Variants in NTN1 observed in about 807,000 individuals in gnomAD.
The protein encoded by NTN1 is netrin 1, also known as netrin-1.
Under a neutral mutation model 54.2 loss-of-function variants are expected in NTN1, and 11 were observed. The observed-to-expected ratio is 0.20, with a 90% CI of 0.13 to 0.34. The LOEUF is 0.34. NTN1 is among the 10% of genes least tolerant of loss of function. NTN1 has a pLI of 1.00. For synonymous variants in NTN1, 371 were observed against 382.0 expected (o/e 0.97, Z 0.33); for missense variants, 740 against 893.1 (o/e 0.83, Z 2.18).
At chr17:9,078,993 C>T (rs1229384715) in intron 2 of NTN1, among the ~76,000 whole-genome samples, 2 of 152,216 alleles carry the variant, frequency 1.3e-5, no homozygotes, top group Non-Finnish European at 2.9e-5. Context: ...CCAGGGATGC[C>T]CCCATGGCTT....
At chr17:9,039,643 G>A (rs925999614) in intron 2 of NTN1, among the ~76,000 whole-genome samples, 2 of 152,104 alleles carry the variant, frequency 1.3e-5, no homozygotes, top group African/African-American at 4.8e-5. Flanking sequence ...AAATGTTCCT[G>A]CTGTCTTGGT....
At chr17:9,076,438 T>C (rs896920617) in intron 2 of NTN1, among the ~76,000 whole-genome samples, 2 of 152,208 alleles carry the variant, frequency 1.3e-5, no homozygotes, top group African/African-American at 4.8e-5. Flanking sequence ...AGTGGTGCAA[T>C]CATAGCTCAC....
At position 9,069,304 on chromosome 17, in the gene NTN1, T is replaced by TA. The variant is rs373252100; in HGVS notation, c.1018+45923dup. On this transcript the variant is annotated intron_variant, in intron 2 of 6. Coordinates refer to ENST00000173229, the MANE Select transcript of NTN1 (RefSeq NM_004822.3). Reference sequence around the variant, plus strand: ...TCAACTAGTTTATAGCTATGGGAATTAAAAAAAAAAGAATGGAAATTAAGT... The same window carrying TA: ...TCAACTAGTTTATAGCTATGGGAATTAAAAAAAAAAAGAATGGAAATTAAGT... 1.4e-3 allele frequency among the ~76,000 whole-genome samples: 204 copies of TA among 149,042 alleles called. 1 individual carries two copies. Among genetic ancestry groups the TA allele is most frequent in the African/African-American group, 3.8e-3 (154 of 40,688 alleles).
chr17:9,236,028 C>G (rs1231382260), intron 6 of NTN1, among the ~76,000 whole-genome samples: 4 of 152,016 alleles, frequency 2.6e-5, no homozygotes, highest in Non-Finnish European at 4.4e-5. Context: ...GACACTAATC[C>G]CATCCACAGG....
Position 9,165,544 on chromosome 17 carries a change from G to C in NTN1, c.1207+2543G>C, listed in dbSNP as rs2092370993. On this transcript the variant is annotated intron_variant, in intron 3 of 6. Transcript: ENST00000173229. This position sits in a 1 kb window ranked among gnomAD's most constrained non-coding sequence, Gnocchi z 4.5. ...ATGGACAGCAGCTGCCCCGGCCTTG[G>C]TGGGAACCCTGGGAGAATAACTCAC... 6.6e-6 allele frequency among the ~76,000 whole-genome samples: 1 copy of C among 152,218 alleles called. No individual in the cohort carries two copies. Among genetic ancestry groups the C allele is most frequent in the African/African-American group, 2.4e-5 (1 of 41,454 alleles).
intron 2 of NTN1, among the ~76,000 whole-genome samples, chr17:9,116,082 C>T (rs1262293954): frequency 6.6e-6 from 1 of 152,208 alleles, no homozygotes; most frequent in Non-Finnish European, 1.5e-5. Flanking sequence ...CGTCATCTTG[C>T]TTGGTTAACC....
At chr17:9,114,166 A>AAAAAAAAAAAATAT (rs1555569108) in intron 2 of NTN1, among the ~76,000 whole-genome samples, 1 of 74,658 alleles carries the variant, frequency 1.3e-5, no homozygotes, top group Admixed American at 1.5e-4. Context: ...AAAAAAAAAA[A>AAAAAAAAAAAATAT]ATATATATAT....
chr17:9,223,968 A>G (rs1905450998), intron 6 of NTN1, among the ~76,000 whole-genome samples: 1 of 152,152 alleles, frequency 6.6e-6, no homozygotes, highest in Non-Finnish European at 1.5e-5. Context: ...GTTTGGTTTT[A>G]GTCTCGAAGA....
chr17:9,213,699 A>C (rs1165623405), intron 5 of NTN1, among the ~76,000 whole-genome samples: 1 of 152,114 alleles, frequency 6.6e-6, no homozygotes, highest in African/African-American at 2.4e-5. Context: ...ATAGCTTTCC[A>C]TCTTTTTCTG....
chr17:9,227,635 A>ACACATCAAACACGCCAT (rs1905634456), intron 6 of NTN1, among the ~76,000 whole-genome samples: 1 of 13,054 alleles, frequency 7.7e-5, no homozygotes, highest in African/African-American at 4.1e-4. Flanking sequence ...TATCACGCAC[A>ACACATCAAACACGCCAT]CACATCAAAC....
Position 9,216,373 on chromosome 17 carries a change from A to G in NTN1, c.1412-4795A>G, listed in dbSNP as rs114682822. Among the ~76,000 whole-genome samples the G allele has an allele frequency of 6.3e-3, 958 of 152,310 alleles. 22 individuals are homozygous for G. The highest frequency in any genetic ancestry group is 0.022 in the African/African-American group (911 of 41,566). ...TCTCCCTTACTGCCTTTCTTCTCCT[A>G]GTTCATAGAGGCTTTGTCATTTTAG... On this transcript the variant is annotated intron_variant, in intron 5 of 6. Transcript: ENST00000173229.
chr17:9,143,678 G>C (rs928635730), intron 2 of NTN1, among the ~76,000 whole-genome samples: 5 of 152,180 alleles, frequency 3.3e-5, no homozygotes, highest in Non-Finnish European at 7.3e-5. Context: ...CTCCGTTCTG[G>C]AAAGGAGAGG....
intron 2 of NTN1, among the ~76,000 whole-genome samples, chr17:9,131,921 A>G (rs578132019): frequency 5.4e-5 from 8 of 148,902 alleles, no homozygotes; most frequent in South Asian, 2.1e-4. Context: ...CTCTGCCTCA[A>G]CCTCCCTAAT....
At chr17:9,216,098 C>T (rs759541547) in intron 5 of NTN1, among the ~76,000 whole-genome samples, 24 of 152,184 alleles carry the variant, frequency 1.6e-4, no homozygotes, top group Non-Finnish European at 2.4e-4. Flanking sequence ...GTAACCATCA[C>T]GCCCGGCTAT....
rs529166575 is a variant in NTN1 at position 9,208,196 on chromosome 17, C to T, written c.1412-12972C>T. ...GCAGTGAGCTGAGATCATGCCATTG[C>T]ACTCCAGCCTAGGCCACAGATCGAC... On this transcript the variant is annotated intron_variant, in intron 5 of 6. Coordinates refer to ENST00000173229, the MANE Select transcript of NTN1 (RefSeq NM_004822.3). Among the ~76,000 whole-genome samples the T allele has an allele frequency of 3.3e-5, 5 of 152,304 alleles. No homozygotes were observed. The South Asian group carries it at 8.3e-4, about 25-fold the overall frequency.
intron 5 of NTN1, among the ~76,000 whole-genome samples, chr17:9,184,925 T>C (rs1374865582): frequency 6.6e-6 from 1 of 152,242 alleles, no homozygotes; most frequent in African/African-American, 2.4e-5. Context: ...TTTTGAAATG[T>C]CTTCTTTGAG....
In NTN1 at chr17:9,240,348, A is replaced by C. The variant is rs940866936; in HGVS notation, c.*380A>C. The C allele has an allele frequency of 6.6e-6, 1 of 152,168 alleles. No homozygotes were observed. The highest frequency in any genetic ancestry group is 1.5e-5 in the Non-Finnish European group (1 of 68,166). The allele number at this position is 152,168 out of a possible 1,614,324, so 9.4% of individuals were successfully genotyped here. A position where few individuals can be genotyped will look rare whatever the true frequency, so the allele number is the denominator to read the frequency against. ...CCCGGGGGCGGGCGCAGAATCGCAC[A>C]ACTGGGGCCCCAGGCGCGGGGCGTG... On this transcript the variant is annotated 3_prime_UTR_variant, in exon 7 of 7. Coordinates refer to ENST00000173229, the MANE Select transcript of NTN1 (RefSeq NM_004822.3).
chr17:9,074,335 C>T (rs1331658767), intron 2 of NTN1, among the ~76,000 whole-genome samples: 1 of 152,150 alleles, frequency 6.6e-6, no homozygotes, highest in East Asian at 1.9e-4. Context: ...GGTCACTGAG[C>T]GTCTCTCTGC....
chr17:9,007,403 T>C, the NTN1 span, among the ~76,000 whole-genome samples: 4 of 150,964 alleles, frequency 2.6e-5, no homozygotes, highest in Admixed American at 2.6e-4. Flanking sequence ...TCTTTCTCTC[T>C]TCTTTTCTTC....
Sources: gnomAD v4.1 joint callset for allele counts (sites outside exome capture counted in the v4.1 genomes callset) on GRCh38, gnomAD v4.1.1 for gene constraint, Gnocchi (gnomAD v3.1) non-coding constraint, MANE v1.5 for transcripts, NCBI Gene and HGNC (gene_info 2026-07-23, HGNC 2026-07-21) for gene names.